NTM: variants seen among roughly 807,000 people sequenced by gnomAD.
The protein encoded by NTM is neurotrimin, also known as IgLON family member 2.
Under a neutral mutation model 42.1 loss-of-function variants are expected in NTM, and 13 were observed. The ratio of observed to expected loss-of-function variants is 0.31; its 90% CI spans 0.20 to 0.49. The LOEUF (loss-of-function observed/expected upper bound fraction) is 0.49. Among genes scored for constraint, NTM ranks in the 20% least tolerant of loss-of-function variants. The pLI is 0.99. For missense variants in NTM, 373 were observed against 452.8 expected (o/e 0.82, Z 1.60); for synonymous variants, 187 against 179.2 (o/e 1.04, Z -0.35).
intron 2 of NTM, among the ~76,000 whole-genome samples, chr11:131,929,709 A>G (rs1182740971): frequency 1.3e-5 from 2 of 152,122 alleles, no homozygotes; most frequent in Non-Finnish European, 2.9e-5. Flanking sequence ...TTCACAAAGT[A>G]AGACGCCACT....
intron 1 of NTM, chr11:131,660,699 G>T: frequency 2.4e-6 from 1 of 413,978 alleles, no homozygotes; most frequent in South Asian, 1.9e-5. Context: ...TGGGGCTAGG[G>T]TGGTGAAGAG....
intron 1 of NTM, among the ~76,000 whole-genome samples, chr11:131,409,193 G>C (rs112707477): frequency 7.9e-5 from 12 of 152,210 alleles, no homozygotes; most frequent in African/African-American, 2.9e-4. Context: ...ACTGTGAAGC[G>C]AAATCTAGTT....
intron 1 of NTM, among the ~76,000 whole-genome samples, chr11:131,406,126 G>T (rs1036363227): frequency 5.3e-5 from 8 of 152,046 alleles, no homozygotes; most frequent in African/African-American, 1.9e-4. Context: ...AAAATGACAG[G>T]GTATTGTCTT....
chr11:131,750,455 GT>G (rs1257712725), intron 1 of NTM, among the ~76,000 whole-genome samples: 1 of 152,180 alleles, frequency 6.6e-6, no homozygotes, highest in African/African-American at 2.4e-5. Flanking sequence ...CCACTGCAGG[GT>G]GCCTGGTTCC....
intron 5 of NTM, among the ~76,000 whole-genome samples, chr11:132,308,272 C>G (rs1403819544): frequency 6.6e-6 from 1 of 152,064 alleles, no homozygotes; most frequent in Non-Finnish European, 1.5e-5. Context: ...TATGGTATGT[C>G]TATTATATCT....
chr11:132,293,495 C>A (rs1270501915), intron 4 of NTM, among the ~76,000 whole-genome samples: 1 of 151,908 alleles, frequency 6.6e-6, no homozygotes, highest in Non-Finnish European at 1.5e-5. Context: ...GGAAGGACTG[C>A]AAAAGGGTGG....
At chr11:131,871,427 G>A (rs776343636) in intron 1 of NTM, among the ~76,000 whole-genome samples, 3 of 152,180 alleles carry the variant, frequency 2.0e-5, no homozygotes, top group Non-Finnish European at 2.9e-5. Context: ...AAGCTACTGA[G>A]GCAATGAGTG....
At chr11:131,590,402 G>A (rs1174523649) in intron 1 of NTM, among the ~76,000 whole-genome samples, 1 of 152,140 alleles carries the variant, frequency 6.6e-6, no homozygotes, top group Non-Finnish European at 1.5e-5. Flanking sequence ...AGAACCAAGC[G>A]ACATGCTGGA....
chr11:131,962,285 C>T (rs2062280104), intron 2 of NTM, among the ~76,000 whole-genome samples: 1 of 152,142 alleles, frequency 6.6e-6, no homozygotes, highest in South Asian at 2.1e-4. Context: ...AGTTTCATGC[C>T]AATAAGCAAG....
chr11:131,562,257 T>C (rs2056332235), intron 1 of NTM, among the ~76,000 whole-genome samples: 1 of 152,114 alleles, frequency 6.6e-6, no homozygotes, highest in Non-Finnish European at 1.5e-5. Context: ...TAAAGAAAGA[T>C]GCTCCCAGAG....
chr11:131,727,548 G>A (rs941664469), intron 1 of NTM, among the ~76,000 whole-genome samples: 5 of 152,262 alleles, frequency 3.3e-5, no homozygotes, highest in Admixed American at 3.3e-4. Flanking sequence ...TGCCAGGAAA[G>A]GAGTTTAGAC....
At chr11:132,247,425 G>A (rs1469912551) in intron 4 of NTM, among the ~76,000 whole-genome samples, 2 of 152,210 alleles carry the variant, frequency 1.3e-5, no homozygotes, top group Non-Finnish European at 2.9e-5. Flanking sequence ...CAGGTTGTAA[G>A]CAAGCAATCA....
At chr11:131,440,583 C>T (rs985152233) in intron 1 of NTM, among the ~76,000 whole-genome samples, 1 of 151,982 alleles carries the variant, frequency 6.6e-6, no homozygotes, top group Non-Finnish European at 1.5e-5. Flanking sequence ...TTCTGTAGGT[C>T]TTGGATGGCC....
At chr11:131,941,825 T>A (rs931433968) in intron 2 of NTM, among the ~76,000 whole-genome samples, 2 of 152,200 alleles carry the variant, frequency 1.3e-5, no homozygotes, top group African/African-American at 2.4e-5. Context: ...AATTCTTCTG[T>A]TTCCACTCTA....
chr11:132,164,630 C>T (rs1055507158), intron 3 of NTM, among the ~76,000 whole-genome samples: 1 of 152,208 alleles, frequency 6.6e-6, no homozygotes, highest in Non-Finnish European at 1.5e-5. Flanking sequence ...GTAGAACCAG[C>T]ATCTAAATCT....
intron 1 of NTM, among the ~76,000 whole-genome samples, chr11:131,401,814 A>ATATATATATATATATGTGTG (rs1565465210): frequency 3.7e-5 from 1 of 27,200 alleles, no homozygotes; most frequent in African/African-American, 2.1e-4. Context: ...ATATATATAT[A>ATATATATATATATATGTGTG]TATATATATA....
intron 1 of NTM, among the ~76,000 whole-genome samples, chr11:131,451,543 C>A (rs1591704943): frequency 6.6e-6 from 1 of 152,086 alleles, no homozygotes; most frequent in African/African-American, 2.4e-5. Flanking sequence ...CAGAGGGAAG[C>A]CTTCCCAGGC....
chr11:132,033,026 T>C (rs953117229), intron 2 of NTM, among the ~76,000 whole-genome samples: 3 of 152,200 alleles, frequency 2.0e-5, no homozygotes, highest in Admixed American at 6.5e-5. Flanking sequence ...AAGTAAAGGC[T>C]CAGATACAGC....
chr11:131,436,914 G>A (rs977889543), intron 1 of NTM, among the ~76,000 whole-genome samples: 6 of 152,086 alleles, frequency 3.9e-5, no homozygotes, highest in African/African-American at 1.4e-4. Context: ...TTCTCTTGTG[G>A]GCATTTAGTG....
Sources: gnomAD v4.1 joint callset for allele counts (sites outside exome capture counted in the v4.1 genomes callset) on GRCh38, gnomAD v4.1.1 for gene constraint, MANE v1.5 for transcripts, NCBI Gene and HGNC (gene_info 2026-07-23, HGNC 2026-07-21) for gene names.